Variants in SLCO5A1 observed in about 807,000 individuals in gnomAD.
SLCO5A1 encodes organic anion transporter polypeptide-related protein 4.
In SLCO5A1, 39 loss-of-function variants were observed where a neutral mutation model predicts 65.1. The observed-to-expected ratio is 0.60, with a 90% confidence interval of 0.46 to 0.78. The LOEUF (loss-of-function observed/expected upper bound fraction) is 0.78. SLCO5A1 is among the 30% of genes least tolerant of loss of function. SLCO5A1 has a pLI of 0.00. For synonymous variants in SLCO5A1, 438 were observed against 415.7 expected (o/e 1.05, Z -0.65); for missense variants, 1,029 against 1,069.4 (o/e 0.96, Z 0.53).
Position 69,776,888 on chromosome 8 carries a change from A to C in SLCO5A1, c.908-15013T>G, listed in dbSNP as rs114683384. Among the ~76,000 whole-genome samples, 860 of 152,316 alleles carry C rather than the reference A, an allele frequency of 5.6e-3. 12 individuals are homozygous for C. The highest frequency in any genetic ancestry group is 0.02 in the African/African-American group (818 of 41,560). On this transcript the variant is annotated intron_variant, in intron 2 of 9. Coordinates refer to ENST00000260126, the MANE Select transcript of SLCO5A1 (RefSeq NM_030958.3). ...ACTAAACAGCTATTTGAATGGTTAA[A>C]ATTAAAAAGACAGACCATACCAAGT...
intron 5 of SLCO5A1, among the ~76,000 whole-genome samples, chr8:69,715,592 C>T (rs1414109010): frequency 2.6e-5 from 4 of 152,148 alleles, no homozygotes; most frequent in Non-Finnish European, 2.9e-5. Context: ...GAGAAGTAAG[C>T]AGATTTTTCA....
chr8:69,726,440 C>G (rs942437601), intron 5 of SLCO5A1, among the ~76,000 whole-genome samples: 3 of 151,694 alleles, frequency 2.0e-5, no homozygotes, highest in African/African-American at 7.3e-5. Flanking sequence ...GAGATTATTC[C>G]TCAGCCTTTC....
intron 2 of SLCO5A1, among the ~76,000 whole-genome samples, chr8:69,825,975 G>T (rs1472967589): frequency 6.6e-6 from 1 of 152,144 alleles, no homozygotes; most frequent in Admixed American, 6.5e-5. Context: ...AAATAACGCT[G>T]CATATCTACA....
intron 4 of SLCO5A1, among the ~76,000 whole-genome samples, chr8:69,745,338 C>A (rs956515516): frequency 3.3e-5 from 5 of 151,892 alleles, no homozygotes; most frequent in Non-Finnish European, 2.9e-5. Context: ...GCATCCACAC[C>A]AACATTTCTT....
chr8:69,674,024 A>G (rs1165282406), intron 9 of SLCO5A1, among the ~76,000 whole-genome samples: 1 of 152,214 alleles, frequency 6.6e-6, no homozygotes, highest in Admixed American at 6.5e-5. Context: ...AAGTCTACCT[A>G]GTACATAGAC....
intron 2 of SLCO5A1, among the ~76,000 whole-genome samples, chr8:69,767,918 GA>G (rs374588509): frequency 0.22 from 27,111 of 126,052 alleles, 4,341 homozygotes; most frequent in African/African-American, 0.45. Flanking sequence ...AAAACAAAAA[GA>G]AAAAGAAAAA....
At chr8:69,804,136 A>C (rs1324959611) in intron 2 of SLCO5A1, among the ~76,000 whole-genome samples, 1 of 152,182 alleles carries the variant, frequency 6.6e-6, no homozygotes, top group Admixed American at 6.5e-5. Context: ...GCAAAAGTTA[A>C]GTCTGACTAG....
At chr8:69,827,515 G>C (rs1820974249) in intron 2 of SLCO5A1, among the ~76,000 whole-genome samples, 1 of 152,080 alleles carries the variant, frequency 6.6e-6, no homozygotes. Context: ...ACTTTCAAAA[G>C]ATTAAGATAT....
chr8:69,682,001 GA>G (rs200108893), intron 7 of SLCO5A1, among the ~76,000 whole-genome samples, 182 bp downstream of exon 7: 6 of 150,798 alleles, frequency 4.0e-5, no homozygotes, highest in East Asian at 1.9e-4. Flanking sequence ...GTCATCCCTG[GA>G]AAAAAAAATA....
In SLCO5A1 at chr8:69,757,985, T is replaced by C. The variant is rs1158975495; in HGVS notation, c.1041-2344A>G. Among the ~76,000 whole-genome samples the C allele has an allele frequency of 3.3e-5, 5 of 152,170 alleles. No homozygotes were observed. In the East Asian group the frequency reaches 5.8e-4, roughly 18 times the overall value. The stretch of plus-strand genomic sequence containing the variant: ...TCCTGTCTTTACCACTTGCTTACTA[T>C]AGGATCCTGTGAAAATTATTTTGCT... On this transcript the variant is annotated intron_variant, in intron 3 of 9. Coordinates refer to ENST00000260126, the MANE Select transcript of SLCO5A1 (RefSeq NM_030958.3).
At position 69,739,932 on chromosome 8, in the gene SLCO5A1, T is replaced by G. The variant is rs147185310; in HGVS notation, c.1259-1728A>C. Among the ~76,000 whole-genome samples the G allele has an allele frequency of 1.7e-3, 265 of 152,318 alleles. 1 individual carries two copies. The highest frequency in any genetic ancestry group is 5.6e-3 in the African/African-American group (231 of 41,586). On this transcript the variant is annotated intron_variant, in intron 4 of 9. Transcript: ENST00000260126. Reference sequence around the variant, plus strand: ...GCATATTAAAAGCCAATGTGTTGACTCTAAAACATCTGGGAGAAATATAAA... The same window carrying G: ...GCATATTAAAAGCCAATGTGTTGACGCTAAAACATCTGGGAGAAATATAAA...
rs113686833 is a variant in SLCO5A1, at chr8:69,673,987, G to C, written c.2090-661C>G. On this transcript the variant is annotated intron_variant, in intron 9 of 9. Coordinates refer to ENST00000260126, the MANE Select transcript of SLCO5A1 (RefSeq NM_030958.3). ...GCTTCGTTGTCTGGGCTATGACATA[G>C]ACATTTCCTTAATCCAATGAGAAAA... Among the ~76,000 whole-genome samples, 991 of 152,216 alleles carry C rather than the reference G, an allele frequency of 6.5e-3. 12 individuals are homozygous for C. The highest frequency in any genetic ancestry group is 0.022 in the African/African-American group (912 of 41,506).
intron 4 of SLCO5A1, among the ~76,000 whole-genome samples, chr8:69,745,111 T>C (rs558044654): frequency 2.7e-4 from 41 of 152,246 alleles, no homozygotes; most frequent in Non-Finnish European, 4.4e-4. Flanking sequence ...ATTTTTGTTG[T>C]ATTAACTGGT....
chr8:69,801,835 A>G (rs17731132), intron 2 of SLCO5A1, among the ~76,000 whole-genome samples: 4,589 of 152,242 alleles, frequency 0.03, 138 homozygotes, highest in Middle Eastern at 0.075. Flanking sequence ...GCAAACTAAG[A>G]CCCGCTGAGT....
rs148776355 is a variant in SLCO5A1, at chr8:69,686,771, T to A, written c.1623-4428A>T. Among the ~76,000 whole-genome samples the A allele has an allele frequency of 9.5e-3, 1,450 of 152,188 alleles. 11 individuals are homozygous for A. Among genetic ancestry groups the A allele is most frequent in the Middle Eastern group, 0.02 (6 of 294 alleles). On this transcript the variant is annotated intron_variant, in intron 6 of 9. Transcript: ENST00000260126. ...CCTAGTTTTACTCCTCTAGCACAGG[T>A]CTTCTGGGTGGCTTATTTCGCTTTC... is the stretch of plus-strand genomic sequence containing the variant.
At chr8:69,746,082 A>T (rs1368920686) in intron 4 of SLCO5A1, among the ~76,000 whole-genome samples, 5 of 152,092 alleles carry the variant, frequency 3.3e-5, no homozygotes, top group Non-Finnish European at 7.4e-5. Context: ...GAATGTGCAT[A>T]TCTCCATTTT....
intron 6 of SLCO5A1, among the ~76,000 whole-genome samples, chr8:69,688,488 C>A (rs999827231): frequency 1.2e-4 from 18 of 151,730 alleles, no homozygotes; most frequent in African/African-American, 3.6e-4. Context: ...CCTCCCCGCT[C>A]CCCCCACCCC....
chr8:69,812,586 C>G (rs964745697), intron 2 of SLCO5A1, among the ~76,000 whole-genome samples: 5 of 152,154 alleles, frequency 3.3e-5, no homozygotes, highest in Non-Finnish European at 7.4e-5. Context: ...GCAGACCTCT[C>G]CCTGACAACA....
rs140355401 is a variant in SLCO5A1, at chr8:69,757,445, G to A, written c.1041-1804C>T. ...TCACCTGAGGTGTAATCCCAGCACC[G>A]AGATGGGTGGATCACCTGAGGTCAG... is the stretch of plus-strand genomic sequence containing the variant. On this transcript the variant is annotated intron_variant, in intron 3 of 9. Transcript: ENST00000260126. Among the ~76,000 whole-genome samples the A allele has an allele frequency of 2.5e-3, 385 of 152,132 alleles. 3 individuals are homozygous for A. In the Middle Eastern group the frequency reaches 0.027, roughly 11 times the overall value.
Sources: allele counts gnomAD v4.1 joint callset (sites outside exome capture counted in the v4.1 genomes callset), GRCh38; gene constraint gnomAD v4.1.1; transcripts MANE v1.5; gene names NCBI Gene and HGNC (gene_info 2026-07-23, HGNC 2026-07-21).